Variants in CCDC192 observed in about 807,000 individuals in gnomAD.
CCDC192 encodes the protein coiled-coil domain-containing protein 192.
At position 127,824,871 on chromosome 5, in the gene CCDC192, G is replaced by T. The variant is rs1433862501; in HGVS notation, c.411+26709G>T. On this transcript the variant is annotated intron_variant, in intron 5 of 6. Coordinates refer to ENST00000514853, the MANE Select transcript of CCDC192 (RefSeq NM_001317938.2). Reference sequence around the variant, plus strand: ...TTCACCTCCTGTGCTAAGATAAATGGTGACAAATACTTGAATCCAAACATG... The same window carrying T: ...TTCACCTCCTGTGCTAAGATAAATGTTGACAAATACTTGAATCCAAACATG... Among the ~76,000 whole-genome samples, 5 of 152,300 alleles carry T rather than the reference G, an allele frequency of 3.3e-5. No homozygotes were observed. In the East Asian group the frequency reaches 9.7e-4, roughly 29 times the overall value.
intron 2 of CCDC192, among the ~76,000 whole-genome samples, chr5:127,749,310 T>A (rs1468034578): frequency 2.0e-5 from 3 of 152,130 alleles, no homozygotes; most frequent in Non-Finnish European, 4.4e-5. Flanking sequence ...TTATTGAGAG[T>A]TTTTAGCATG....
intron 5 of CCDC192, among the ~76,000 whole-genome samples, chr5:127,817,826 A>G (rs546492770): frequency 5.9e-5 from 9 of 152,310 alleles, no homozygotes; most frequent in Non-Finnish European, 7.4e-5. Context: ...ATCTAAATGC[A>G]TATCTAGGAT....
At chr5:127,920,218 G>A (rs1753668393) in intron 6 of CCDC192, among the ~76,000 whole-genome samples, 2 of 152,022 alleles carry the variant, frequency 1.3e-5, no homozygotes, top group African/African-American at 4.8e-5. Flanking sequence ...TTACCCACTT[G>A]AGAGATTTGT....
chr5:127,926,202 A>C (rs1753858989), intron 6 of CCDC192, among the ~76,000 whole-genome samples: 1 of 152,196 alleles, frequency 6.6e-6, no homozygotes, highest in South Asian at 2.1e-4. Flanking sequence ...TTACAGGTGC[A>C]TACTCCTAAG....
chr5:127,866,656 A>G (rs572356614), intron 5 of CCDC192, among the ~76,000 whole-genome samples: 1 of 151,966 alleles, frequency 6.6e-6, no homozygotes, highest in East Asian at 1.9e-4. Flanking sequence ...CAGTAACATT[A>G]TTAACTAATA....
chr5:127,932,993 C>T (rs1023826153), intron 6 of CCDC192, among the ~76,000 whole-genome samples: 1 of 152,160 alleles, frequency 6.6e-6, no homozygotes, highest in African/African-American at 2.4e-5. Flanking sequence ...ACTGAGAGAG[C>T]TAGCCATGTA....
intron 5 of CCDC192, among the ~76,000 whole-genome samples, chr5:127,807,131 A>G (rs1757832184): frequency 6.6e-6 from 1 of 152,202 alleles, no homozygotes; most frequent in Non-Finnish European, 1.5e-5. Flanking sequence ...ATTCACATGA[A>G]GTGGTTAGCA....
intron 6 of CCDC192, among the ~76,000 whole-genome samples, chr5:127,929,341 G>T (rs1753954910): frequency 6.6e-6 from 1 of 152,178 alleles, no homozygotes; most frequent in African/African-American, 2.4e-5. Flanking sequence ...GCTAGGAAAA[G>T]AGAGACTCCT....
At chr5:127,837,339 A>G (rs1210734718) in intron 5 of CCDC192, among the ~76,000 whole-genome samples, 1 of 81,800 alleles carries the variant, frequency 1.2e-5, no homozygotes, top group African/African-American at 4.1e-5. Context: ...ACTTACAATC[A>G]TGGTGGAAGA....
intron 3 of CCDC192, among the ~76,000 whole-genome samples, chr5:127,765,275 A>G (rs1755154450): frequency 1.3e-5 from 2 of 152,370 alleles, no homozygotes; most frequent in Non-Finnish European, 1.5e-5. Context: ...AGCAGATATG[A>G]AAGTCCCAAT....
chr5:127,871,944 A>C (rs1453130676), intron 5 of CCDC192, among the ~76,000 whole-genome samples: 1 of 152,238 alleles, frequency 6.6e-6, no homozygotes, highest in East Asian at 1.9e-4. Flanking sequence ...CCTAGTTACT[A>C]AGGAGACCAT....
intron 2 of CCDC192, among the ~76,000 whole-genome samples, chr5:127,712,376 TG>T (rs34397264): frequency 1.3e-5 from 2 of 152,162 alleles, no homozygotes; most frequent in Admixed American, 6.5e-5. Flanking sequence ...CATCCTCCCT[TG>T]GGGGTGAGTT....
intron 6 of CCDC192, among the ~76,000 whole-genome samples, chr5:127,908,795 A>T (rs1392941976): frequency 6.6e-6 from 1 of 152,182 alleles, no homozygotes; most frequent in Non-Finnish European, 1.5e-5. Flanking sequence ...TACAAAGAAT[A>T]ACTGTTCAAC....
intron 5 of CCDC192, among the ~76,000 whole-genome samples, chr5:127,842,291 T>C (rs1449049476): frequency 1.3e-5 from 2 of 152,254 alleles, no homozygotes; most frequent in Admixed American, 1.3e-4. Flanking sequence ...CATAGCTCAC[T>C]GCTAACTCAA....
Position 127,785,529 on chromosome 5 carries a change from G to C in CCDC192, c.223-11574G>C, listed in dbSNP as rs905847707. 1.7e-5 allele frequency: 3 copies of C among 177,134 alleles called. No individual in the cohort carries two copies. In the Admixed American group the frequency reaches 1.8e-4, roughly 10 times the overall value. 11.0% of individuals were successfully genotyped at this position (177,134 alleles called of 1,614,324 possible). On this transcript the variant is annotated intron_variant, in intron 3 of 6. Transcript: ENST00000514853. Reference sequence around the variant, plus strand: ...TGCCTTCCCTTAGAGTTGGAACGTAGTTATCGGCAATTCACAGCTTTCTAT... The same window carrying C: ...TGCCTTCCCTTAGAGTTGGAACGTACTTATCGGCAATTCACAGCTTTCTAT...
Position 127,873,023 on chromosome 5 carries a change from T to C in CCDC192, c.412-2515T>C, listed in dbSNP as rs139987173. Among the ~76,000 whole-genome samples the C allele has an allele frequency of 6.3e-3, 966 of 152,332 alleles. 6 individuals are homozygous for C. Among genetic ancestry groups the C allele is most frequent in the Non-Finnish European group, 9.8e-3 (669 of 68,036 alleles). On this transcript the variant is annotated intron_variant, in intron 5 of 6. Coordinates refer to ENST00000514853, the MANE Select transcript of CCDC192 (RefSeq NM_001317938.2). ...CTAGAAAGGTGAAATTCTTAACTGA[T>C]ATTGAGAACCCCTGTGTCTGTCCAC...
intron 2 of CCDC192, among the ~76,000 whole-genome samples, chr5:127,734,091 A>T (rs1473345394): frequency 9.6e-5 from 8 of 83,768 alleles, no homozygotes; most frequent in Admixed American, 3.6e-4. Flanking sequence ...CCCACCCCAC[A>T]ACAGTCCCCA....
intron 5 of CCDC192, among the ~76,000 whole-genome samples, chr5:127,862,927 T>C (rs1023642345): frequency 1.3e-5 from 1 of 74,390 alleles, no homozygotes; most frequent in East Asian, 3.0e-4. Flanking sequence ...GTTCCTTTAT[T>C]TAAAAAAAAA....
At chr5:127,854,536 AATC>A (rs1250695703) in intron 5 of CCDC192, among the ~76,000 whole-genome samples, 7 of 152,186 alleles carry the variant, frequency 4.6e-5, no homozygotes, top group Non-Finnish European at 1.0e-4. Context: ...GTATAGGAAA[AATC>A]ATACTAAAAT....
Sources: gnomAD v4.1 joint callset for allele counts (sites outside exome capture counted in the v4.1 genomes callset) on GRCh38, gnomAD v4.1.1 for gene constraint, MANE v1.5 for transcripts, NCBI Gene and HGNC (gene_info 2026-07-23, HGNC 2026-07-21) for gene names.